Variants in SEMA4D observed in about 807,000 individuals in gnomAD.
SEMA4D encodes semaphorin-4D.
A neutral mutation model predicts 74.8 loss-of-function variants in SEMA4D; 22 were observed. That is an observed-to-expected ratio of 0.29 (90% CI 0.21 to 0.42). The LOEUF is 0.42. Ranked by LOEUF, SEMA4D falls within the 10% of genes least tolerant of loss-of-function variation. The pLI is 1.00. For missense variants in SEMA4D, 937 were observed against 1,118.4 expected, an observed-to-expected ratio of 0.84 and a Z score of 2.31; for synonymous variants, 445 against 463.7, an observed-to-expected ratio of 0.96 and a Z score of 0.52.
intron 2 of SEMA4D, among the ~76,000 whole-genome samples, chr9:89,411,961 C>A (rs1460886721): frequency 6.6e-6 from 1 of 152,248 alleles, no homozygotes; most frequent in East Asian, 1.9e-4. Context: ...TGCACCCCAC[C>A]CGTCTCAGGC....
exon 19 of SEMA4D, chr9:89,362,089 T>G: frequency 1.9e-6 from 1 of 536,308 alleles, no homozygotes; most frequent in Non-Finnish European, 3.4e-6. Context: ...ACCCTGCTGT[T>G]TTAGTTCACG....
At chr9:89,392,014 C>A (rs1470924944) in intron 8 of SEMA4D, among the ~76,000 whole-genome samples, 2 of 152,338 alleles carry the variant, frequency 1.3e-5, no homozygotes, top group African/African-American at 4.8e-5. Flanking sequence ...AACAAGGCAC[C>A]CAGAGCCCAT....
At chr9:89,364,477 G>A (rs45572942) in intron 16 of SEMA4D, 3,824 of 201,508 alleles carry the variant, frequency 0.019, 54 homozygotes, top group Non-Finnish European at 0.029. Flanking sequence ...GGGCTTGGAG[G>A]GGAGTAGATG....
rs540008802 is a variant in SEMA4D at position 89,461,030 on chromosome 9, G to A, written c.-309-5077C>T. The stretch of plus-strand genomic sequence containing the variant: ...CAGTCATGCTCGGGGGCTCTGCTGG[G>A]CCCCTCAGCACACTCATGAAGCCCC... On this transcript the variant is annotated intron_variant, in intron 1 of 15. Coordinates refer to ENST00000422704, the MANE Select transcript of SEMA4D (RefSeq NM_001371194.2). Among the ~76,000 whole-genome samples the A allele has an allele frequency of 2.0e-5, 3 of 152,282 alleles. No individual in the cohort carries two copies. The East Asian group carries it at 5.8e-4, about 29-fold the overall frequency.
At chr9:89,385,284 AC>A in intron 13 of SEMA4D, 2 of 985,410 alleles carry the variant, frequency 2.0e-6, no homozygotes. Context: ...GAATGTCCAC[AC>A]CAGGGGCCCA....
Position 89,379,473 on chromosome 9 carries a change from T to C in SEMA4D, c.1820A>G (p.Lys607Arg), listed in dbSNP as rs1836509952. ...ESPKYGLMGR[K>R]NLLIFNLSEG... ...TGACAAGTTGAAGATGAGCAAGTTT[T>C]TTCTGCCCATAAGACCGTACTTGGG... The change falls in exon 16 of 16, where the codon AAA (lysine) becomes AGA (arginine). Residue 607 changes from lysine (K) to arginine (R), a missense_variant. Physicochemically the swap from Lys to Arg is conservative, Grantham distance 26. Transcript: ENST00000422704. The C allele has an allele frequency of 5.0e-6, 8 of 1,614,200 alleles. No homozygotes were observed. Among genetic ancestry groups the C allele is most frequent in the Admixed American group, 1.7e-5 (1 of 60,036 alleles).
intron 2 of SEMA4D, among the ~76,000 whole-genome samples, chr9:89,432,839 A>G (rs1849571480): frequency 6.6e-6 from 1 of 152,220 alleles, no homozygotes. Context: ...AAACTTTAGA[A>G]TAACCATGTG....
intron 1 of SEMA4D, among the ~76,000 whole-genome samples, chr9:89,497,202 G>A (rs375134152): frequency 2.6e-5 from 4 of 152,226 alleles, no homozygotes; most frequent in African/African-American, 4.8e-5. Flanking sequence ...AACCCCAGTA[G>A]AGCCAGCCCC....
chr9:89,477,143 C>T (rs1861948054), intron 1 of SEMA4D, among the ~76,000 whole-genome samples: 1 of 152,164 alleles, frequency 6.6e-6, no homozygotes, highest in Admixed American at 6.5e-5. Flanking sequence ...AAGAAACTCT[C>T]CCAGAATGCA....
rs562182255 is a variant in SEMA4D, at chr9:89,492,775, C to T, written c.-310+5144G>A. 5.0e-4 allele frequency among the ~76,000 whole-genome samples: 76 copies of T among 152,252 alleles called. No individual in the cohort carries two copies. Among genetic ancestry groups the T allele is most frequent in the Middle Eastern group, 3.4e-3 (1 of 294 alleles). On this transcript the variant is annotated intron_variant, in intron 1 of 15. Transcript: ENST00000422704. This position sits in a 1 kb window ranked among gnomAD's most constrained non-coding sequence, Gnocchi z 4.3. ...ACCTGCAATCAGCCTGCCTCCCACC[C>T]GAGGAGACTGCCCGAGCTCCTGCAA...
chr9:89,375,036 G>C (rs1835597304), downstream of SEMA4D, among the ~76,000 whole-genome samples: 1 of 152,196 alleles, frequency 6.6e-6, no homozygotes, highest in Non-Finnish European at 1.5e-5. Flanking sequence ...CTGGGCAACA[G>C]AGCAAGACTC....
chr9:89,434,421 C>A (rs1849950590), intron 2 of SEMA4D, among the ~76,000 whole-genome samples: 1 of 152,234 alleles, frequency 6.6e-6, no homozygotes. Context: ...TTTTCACTTT[C>A]TTTCATGAAG....
At chr9:89,369,855 C>T (rs151211655) in intron 16 of SEMA4D, among the ~76,000 whole-genome samples, 203 of 149,708 alleles carry the variant, frequency 1.4e-3, no homozygotes, top group Middle Eastern at 0.01. Context: ...TGAAACGATC[C>T]TAAGTCAACA....
At chr9:89,400,119 T>C (rs1841869208) in intron 4 of SEMA4D, among the ~76,000 whole-genome samples, 1 of 150,794 alleles carries the variant, frequency 6.6e-6, no homozygotes, top group South Asian at 2.1e-4. Flanking sequence ...TAAACTTGCA[T>C]GTTGGCAGCA....
At chr9:89,448,234 T>C (rs747171682) in intron 2 of SEMA4D, among the ~76,000 whole-genome samples, 3 of 152,200 alleles carry the variant, frequency 2.0e-5, no homozygotes, top group Non-Finnish European at 4.4e-5. Context: ...TCTCGGCCTA[T>C]CAAAGTGCTG....
chr9:89,439,141 C>T (rs1851160337), intron 2 of SEMA4D, among the ~76,000 whole-genome samples: 1 of 151,924 alleles, frequency 6.6e-6, no homozygotes, highest in African/African-American at 2.4e-5. Context: ...ACCACTACGC[C>T]CGGCTAATTT....
At chr9:89,377,122 A>T (rs1835914270), downstream of SEMA4D, 9 of 1,470,942 alleles carry the variant, frequency 6.1e-6, no homozygotes, top group Non-Finnish European at 8.2e-6. Flanking sequence ...CACAGGCCAG[A>T]GAGGGCAAAA....
rs1448876250 is a variant in SEMA4D at position 89,378,537 on chromosome 9, C to T, written c.*167G>A. ...AAAAGGACAAAGAGAAACCAAGTCA[C>T]AGGCTCAACCCAAGAGAAAATAGAC... On this transcript the variant is annotated 3_prime_UTR_variant, in exon 16 of 16. Coordinates refer to ENST00000422704, the MANE Select transcript of SEMA4D (RefSeq NM_001371194.2). 5.0e-6 allele frequency: 3 copies of T among 597,636 alleles called. No homozygotes were observed. Among genetic ancestry groups the T allele is most frequent in the East Asian group, 5.6e-5 (2 of 35,932 alleles). 37.0% of individuals were successfully genotyped at this position (597,636 alleles called of 1,614,324 possible).
chr9:89,450,005 T>G (rs1449786791), intron 2 of SEMA4D: 1 of 1,535,548 alleles, frequency 6.5e-7, no homozygotes, highest in African/African-American at 1.4e-5. Flanking sequence ...CTCACCGTTG[T>G]GCTGAAGCTG....
Sources: allele counts gnomAD v4.1 joint callset (sites outside exome capture counted in the v4.1 genomes callset), GRCh38; gene constraint gnomAD v4.1.1; non-coding constraint Gnocchi (gnomAD v3.1); transcripts MANE v1.5; gene names NCBI Gene and HGNC (gene_info 2026-07-23, HGNC 2026-07-21).